KRT77: variants seen among roughly 807,000 people sequenced by gnomAD.
KRT77 encodes the protein keratin 77.
A neutral mutation model predicts 51.5 loss-of-function variants in KRT77; 44 were observed. That is an observed-to-expected ratio of 0.85 (90% CI 0.67 to 1.10). The LOEUF (loss-of-function observed/expected upper bound fraction) is 1.10, where lower values mean the gene tolerates loss of function less well. KRT77 is among the 50% of genes least tolerant of loss of function. KRT77 has a pLI of 0.00. For synonymous variants in KRT77, 293 were observed against 302.0 expected, an observed-to-expected ratio of 0.97 and a Z score of 0.31; for missense variants, 763 against 743.9, an observed-to-expected ratio of 1.03 and a Z score of -0.30.
intron 2 of KRT77, among the ~76,000 whole-genome samples, chr12:52,697,403 T>C (rs1277168431): frequency 6.6e-6 from 1 of 152,234 alleles, no homozygotes; most frequent in Non-Finnish European, 1.5e-5. Context: ...TGTAAGCAGC[T>C]AGTAAGTGGC....
chr12:52,695,709 A>G, intron 4 of KRT77, 63 bp downstream of exon 4: 2 of 1,197,840 alleles, frequency 1.7e-6, no homozygotes, highest in Middle Eastern at 1.9e-4. Context: ...CTCCCCTCTT[A>G]CAGCCCATAC....
At chr12:52,698,321 C>T (rs1267407916) in intron 1 of KRT77, 7 of 485,698 alleles carry the variant, frequency 1.4e-5, no homozygotes, top group South Asian at 1.1e-4. Context: ...AGAGAAGGAT[C>T]AATTTGGCTT....
Position 52,692,640 on chromosome 12 carries a change from A to G in KRT77, c.1208T>C (p.Ile403Thr). ...CGAAATGAGTGACTGCATCTGTTCAATCTGCTCCAGAGACAGTTGGAGACC... is the reference window on the plus strand; with the variant it reads ...CGAAATGAGTGACTGCATCTGTTCAGTCTGCTCCAGAGACAGTTGGAGACC... ...QAEISNVKKQ[I>T]EQMQSLISDA... Residue 403 changes from isoleucine (I) to threonine (T), a missense_variant and splice_region_variant, in exon 7 of 9, where the codon ATT (isoleucine) becomes ACT (threonine). Transcript: ENST00000341809. The G allele has an allele frequency of 6.4e-7, 1 of 1,563,194 alleles. No individual in the cohort carries two copies. The highest frequency in any genetic ancestry group is 1.1e-5 in the South Asian group (1 of 89,546).
chr12:52,697,841 TGCA>T lies in KRT77; in HGVS notation c.596_598del (p.Leu199del). The T allele has an allele frequency of 6.2e-7, 1 of 1,614,132 alleles. No homozygotes were observed. Among genetic ancestry groups the T allele is most frequent in the Non-Finnish European group, 8.5e-7 (1 of 1,179,996 alleles). On this transcript the variant is annotated inframe_deletion, in exon 2 of 9. Transcript: ENST00000341809. ...GGTTCCAGTTGAGGTGTTCACCTGC[TGCA>T]GCAACTCCCATTTTGTTTGTAGCAC...
rs1464354107 is a variant in KRT77, at chr12:52,690,942, T to G, written c.*223A>C. The G allele has an allele frequency of 1.6e-6, 1 of 630,166 alleles. No homozygotes were observed. Among genetic ancestry groups the G allele is most frequent in the East Asian group, 2.8e-5 (1 of 35,180 alleles). 39.0% of individuals were successfully genotyped at this position (630,166 alleles called of 1,614,324 possible). On this transcript the variant is annotated 3_prime_UTR_variant, in exon 9 of 9. Transcript: ENST00000341809. ...CAGCAGAGCGGGGTCTGAGTGAGAA[T>G]GTGCCTAGCTGTGAATCTGACTGCA...
At position 52,692,888 on chromosome 12, in the gene KRT77, C is replaced by T; in HGVS notation, c.1081-8G>A. On this transcript the variant is annotated splice_region_variant and splice_polypyrimidine_tract_variant and intron_variant, in intron 5 of 8. Transcript: ENST00000341809. The stretch of plus-strand genomic sequence containing the variant: ...GATCTGGAGCTCCTGGTACTGGGGC[C>T]AAAGGCAGCATCATAGTCAGCATGT... 6.2e-7 allele frequency: 1 copy of T among 1,603,136 alleles called. No individual in the cohort carries two copies. Among genetic ancestry groups the T allele is most frequent in the Non-Finnish European group, 8.5e-7 (1 of 1,171,058 alleles).
At chr12:52,701,943 C>T (rs1350179681) in intron 1 of KRT77, among the ~76,000 whole-genome samples, 2 of 152,224 alleles carry the variant, frequency 1.3e-5, no homozygotes, top group Admixed American at 6.5e-5. Context: ...CTCCTCCACC[C>T]CTTGGTATCC....
At chr12:52,694,931 G>C in intron 4 of KRT77, 141 bp from the exon 5 acceptor site, 1 of 672,478 alleles carries the variant, frequency 1.5e-6, no homozygotes, top group Admixed American at 3.1e-5. Flanking sequence ...GAATTGTTGT[G>C]TGCAATGAGA....
At chr12:52,699,344 A>C (rs908935838) in intron 1 of KRT77, among the ~76,000 whole-genome samples, 1 of 152,234 alleles carries the variant, frequency 6.6e-6, no homozygotes, top group Non-Finnish European at 1.5e-5. Context: ...CTCTGGCTTT[A>C]GCCCAGGTAC....
chr12:52,692,441 C>T lies in KRT77; in HGVS notation c.1407G>A (p.Leu469=), dbSNP rs1941725281. Residue 469 remains leucine (L), a synonymous_variant, in exon 7 of 9, where the codon CTG becomes CTA. Transcript: ENST00000341809. ...LDVEIATYRQ[L]LEGEESRMSG... Reference sequence around the variant, plus strand: ...CCCACCTGCTCTCCTCGCCCTCCAGCAGCTGGCGGTAGGTGGCGATCTCCA... The same window carrying T: ...CCCACCTGCTCTCCTCGCCCTCCAGTAGCTGGCGGTAGGTGGCGATCTCCA... The T allele has an allele frequency of 6.2e-7, 1 of 1,613,900 alleles. No individual in the cohort carries two copies. Among genetic ancestry groups the T allele is most frequent in the Admixed American group, 1.7e-5 (1 of 59,986 alleles).
intron 1 of KRT77, among the ~76,000 whole-genome samples, chr12:52,700,896 G>A (rs1941878975): frequency 6.6e-6 from 1 of 152,164 alleles, no homozygotes; most frequent in Non-Finnish European, 1.5e-5. Context: ...CAGGGTCAAG[G>A]GTGAAAGCAG....
chr12:52,697,969 AC>A, intron 1 of KRT77, 73 bp from the exon 2 acceptor site: 1 of 1,467,722 alleles, frequency 6.8e-7, no homozygotes, highest in Non-Finnish European at 9.5e-7. Context: ...GAGCATCCAT[AC>A]CCCCTCAACA....
intron 1 of KRT77, among the ~76,000 whole-genome samples, chr12:52,701,331 C>T (rs1941884779): frequency 6.6e-6 from 1 of 152,254 alleles, no homozygotes; most frequent in Admixed American, 6.5e-5. Context: ...CGGGAGCACG[C>T]TGCTGTGTTG....
intron 8 of KRT77, 23 bp from the exon 9 acceptor site, chr12:52,691,462 A>G (rs1209955440): frequency 1.9e-6 from 3 of 1,545,070 alleles, no homozygotes; most frequent in Non-Finnish European, 2.6e-6. Flanking sequence ...GACAGTGCAC[A>G]CGGGGTCAGA....
chr12:52,691,332 T>G lies in KRT77; in HGVS notation c.1570A>C (p.Ser524Arg). The change falls in exon 9 of 9, where the codon AGC becomes CGC. Residue 524 changes from serine to arginine, a missense_variant. Ser to Arg is a moderately radical substitution (Grantham distance 110, BLOSUM62 -1). Coordinates refer to ENST00000341809, the MANE Select transcript of KRT77 (RefSeq NM_175078.3). ...CCTCGTGCCCCGCCTCCGCGGTAGC[T>G]TCTTCCGCCGCCATAGCCCCCACCG... ...GSGGGYGGGRSYRGGGARGRS... is the reference protein window; with the variant it reads ...GSGGGYGGGRRYRGGGARGRS... 6.3e-7 allele frequency: 1 copy of G among 1,599,970 alleles called. No individual in the cohort carries two copies. Among genetic ancestry groups the G allele is most frequent in the Non-Finnish European group, 8.5e-7 (1 of 1,173,486 alleles).
intron 2 of KRT77, chr12:52,696,742 T>C (rs2121061567): frequency 3.5e-6 from 1 of 288,832 alleles, no homozygotes; most frequent in East Asian, 6.0e-5. Context: ...TCAAACTCAT[T>C]CATTCCTTAA....
chr12:52,701,580 C>T (rs1941887753), intron 1 of KRT77, among the ~76,000 whole-genome samples: 1 of 152,244 alleles, frequency 6.6e-6, no homozygotes, highest in Non-Finnish European at 1.5e-5. Flanking sequence ...CTCTGTGGGG[C>T]TTCCCACTGC....
At chr12:52,702,766 G>T (rs1258583616) in intron 1 of KRT77, 126 bp downstream of exon 1, 2 of 944,660 alleles carry the variant, frequency 2.1e-6, no homozygotes, top group Non-Finnish European at 1.6e-6. Flanking sequence ...GCCCAAATGG[G>T]TAAATGATTT....
rs972918498 is a variant in KRT77, at chr12:52,691,259, C to T, written c.1643G>A (p.Ser548Asn). 6 of 1,607,122 alleles carry T rather than the reference C, an allele frequency of 3.7e-6. No individual in the cohort carries two copies. Among genetic ancestry groups the T allele is most frequent in the South Asian group, 1.1e-5 (1 of 90,604 alleles). ...GCCGCTTCTGCCGCTCCCTCCGTAG[C>T]TCCCGCCACCGCCGCCGCAGCCGCT... ...YGSGCGGGGG[S>N]YGGSGRSGRG... Residue 548 changes from serine to asparagine, a missense_variant, in exon 9 of 9, where the codon AGC (serine) becomes AAC (asparagine). Physicochemically the swap from Ser to Asn is conservative, Grantham distance 46. Coordinates refer to ENST00000341809, the MANE Select transcript of KRT77 (RefSeq NM_175078.3).
Sources: allele counts gnomAD v4.1 joint callset (sites outside exome capture counted in the v4.1 genomes callset), GRCh38; gene constraint gnomAD v4.1.1; transcripts MANE v1.5; gene names NCBI Gene and HGNC (gene_info 2026-07-23, HGNC 2026-07-21).